Variants in ESRRB observed in about 807,000 individuals in gnomAD.
The protein encoded by ESRRB is steroid hormone receptor ERR2.
Under a neutral mutation model 46.0 loss-of-function variants are expected in ESRRB, and 16 were observed. The observed-to-expected ratio is 0.35, with a 90% CI of 0.24 to 0.53. The LOEUF (loss-of-function observed/expected upper bound fraction) is 0.53, where lower values mean the gene tolerates loss of function less well. ESRRB is among the 20% of genes least tolerant of loss of function. The probability of loss-of-function intolerance (pLI) is 0.93; values close to 1 mark genes in which losing one functional copy is unlikely to be tolerated. For missense variants in ESRRB, 488 were observed against 607.4 expected (o/e 0.80, Z 2.07); for synonymous variants, 246 against 259.6 (o/e 0.95, Z 0.50).
intron 1 of ESRRB, among the ~76,000 whole-genome samples, chr14:76,341,191 C>T (rs1257324381): frequency 3.9e-5 from 6 of 152,202 alleles, no homozygotes; most frequent in Non-Finnish European, 8.8e-5. Context: ...TCTCCTAGGT[C>T]CTGGCGTTTC....
chr14:76,414,482 C>T lies in ESRRB; in HGVS notation c.51-24859C>T, dbSNP rs528428942. On this transcript the variant is annotated intron_variant, in intron 1 of 6. Coordinates refer to ENST00000644823, the MANE Select transcript of ESRRB (RefSeq NM_001379180.1). ...TCATTTCGGAGGGCCCTGAGTTGTG[C>T]CCCTGTGGTTCCTCCCCAGCTCAGT... is the stretch of plus-strand genomic sequence containing the variant. 4.6e-5 allele frequency among the ~76,000 whole-genome samples: 7 copies of T among 151,224 alleles called. No homozygotes were observed. In the South Asian group the frequency reaches 1.3e-3, roughly 27 times the overall value.
rs948871827 is a variant in ESRRB, at chr14:76,498,354, C to T, written c.1261C>T (p.Arg421Trp). ...GKLLLTLPLLRQTAAKAVQHF... is the reference protein window; with the variant it reads ...GKLLLTLPLLWQTAAKAVQHF... Reference sequence around the variant, plus strand: ...GCTGCTGCTGACACTGCCGCTGCTGCGGCAGACGGCCGCCAAGGCCGTGCA... The same window carrying T: ...GCTGCTGCTGACACTGCCGCTGCTGTGGCAGACGGCCGCCAAGGCCGTGCA... Residue 421 changes from arginine to tryptophan, a missense_variant, in exon 7 of 7, where the codon CGG becomes TGG. Physicochemically the swap from Arg to Trp is moderately radical, Grantham distance 101. Transcript: ENST00000644823. 5 of 1,610,274 alleles carry T rather than the reference C, an allele frequency of 3.1e-6. No individual in the cohort carries two copies. The highest frequency in any genetic ancestry group is 2.2e-5 in the East Asian group (1 of 44,786).
rs1890239044 is a variant in ESRRB at position 76,491,712 on chromosome 14, C to T, written c.1116C>T (p.Asn372=). Residue 372 remains asparagine (N), a synonymous_variant, in exon 6 of 7, where the codon AAC becomes AAT. Coordinates refer to ENST00000644823, the MANE Select transcript of ESRRB (RefSeq NM_001379180.1). ...CGCTCAAGGCCCTGGCCCTCGCCAACTCCGGTAAGGGCGGCGGCGGGGCCT... is the reference window on the plus strand; with the variant it reads ...CGCTCAAGGCCCTGGCCCTCGCCAATTCCGGTAAGGGCGGCGGCGGGGCCT... ...FVTLKALALA[N]SDSMYIEDLE... 2 of 1,578,652 alleles carry T rather than the reference C, an allele frequency of 1.3e-6. No homozygotes were observed. Among genetic ancestry groups the T allele is most frequent in the African/African-American group, 1.3e-5 (1 of 74,678 alleles).
At chr14:76,358,854 T>C (rs1884430190) in intron 1 of ESRRB, among the ~76,000 whole-genome samples, 1 of 152,258 alleles carries the variant, frequency 6.6e-6, no homozygotes, top group Admixed American at 6.5e-5. Context: ...TCTGTAAAAC[T>C]TCTAAATTAG....
chr14:76,468,539 A>G (rs568034278), intron 3 of ESRRB, among the ~76,000 whole-genome samples: 1 of 152,182 alleles, frequency 6.6e-6, no homozygotes, highest in African/African-American at 2.4e-5. Flanking sequence ...AAGACGAAGG[A>G]GATGATCTTG....
chr14:76,423,602 C>T (rs1015780970), intron 1 of ESRRB, among the ~76,000 whole-genome samples: 1 of 152,138 alleles, frequency 6.6e-6, no homozygotes, highest in African/African-American at 2.4e-5. Flanking sequence ...TTGATCCTGT[C>T]CTGTGACTCA....
intron 1 of ESRRB, among the ~76,000 whole-genome samples, chr14:76,359,331 C>T (rs775248796): frequency 3.9e-5 from 6 of 152,176 alleles, no homozygotes; most frequent in Non-Finnish European, 8.8e-5. Flanking sequence ...TGAGGAAATG[C>T]ACAAATTAGA....
At chr14:76,369,064 G>A (rs773776639), upstream of ESRRB, among the ~76,000 whole-genome samples, 4 of 151,648 alleles carry the variant, frequency 2.6e-5, no homozygotes, top group Non-Finnish European at 5.9e-5. Flanking sequence ...GGGTGCGGTG[G>A]TGCGTCCCTG....
intron 3 of ESRRB, among the ~76,000 whole-genome samples, chr14:76,464,811 A>G (rs1889038684): frequency 6.6e-6 from 1 of 152,078 alleles, no homozygotes; most frequent in African/African-American, 2.4e-5. Context: ...GCTCCTTCAG[A>G]GCCTCCTGGT....
intron 2 of ESRRB, among the ~76,000 whole-genome samples, chr14:76,457,262 A>G (rs533286294): frequency 6.6e-6 from 1 of 152,198 alleles, no homozygotes; most frequent in South Asian, 2.1e-4. Context: ...AGGTCTAGGG[A>G]CCGGAGGCAG....
At chr14:76,418,696 C>T (rs1019134691) in intron 1 of ESRRB, among the ~76,000 whole-genome samples, 1 of 152,132 alleles carries the variant, frequency 6.6e-6, no homozygotes, top group Non-Finnish European at 1.5e-5. Flanking sequence ...CTCACTATAA[C>T]CTCCCACCTC....
At chr14:76,390,124 C>T (rs1351215041) in intron 1 of ESRRB, among the ~76,000 whole-genome samples, 1 of 152,222 alleles carries the variant, frequency 6.6e-6, no homozygotes. Flanking sequence ...AGATAAATGA[C>T]TCAATCTCTC....
chr14:76,498,129 T>G (rs894668593), intron 6 of ESRRB, 85 bp from the exon 7 acceptor site: 3 of 1,535,616 alleles, frequency 2.0e-6, no homozygotes, highest in Non-Finnish European at 2.7e-6. Flanking sequence ...CCTGCCTCCA[T>G]GCTGCCTCCT....
intron 1 of ESRRB, among the ~76,000 whole-genome samples, chr14:76,429,243 G>A (rs1181525055): frequency 6.6e-6 from 1 of 152,170 alleles, no homozygotes; most frequent in African/African-American, 2.4e-5. Context: ...TAGTTAGTAA[G>A]TTTGAGCAAG....
At chr14:76,425,127 A>G (rs1887141725) in intron 1 of ESRRB, among the ~76,000 whole-genome samples, 1 of 151,932 alleles carries the variant, frequency 6.6e-6, no homozygotes, top group African/African-American at 2.4e-5. Flanking sequence ...CCTGGTGAGG[A>G]GAGGGGAGGA....
intron 1 of ESRRB, among the ~76,000 whole-genome samples, chr14:76,337,141 A>G (rs964050093): frequency 3.9e-5 from 6 of 152,158 alleles, no homozygotes; most frequent in Non-Finnish European, 8.8e-5. Context: ...GAGGAGAAGC[A>G]TAGAAGGAGA....
At chr14:76,446,582 T>C (rs1334465909) in intron 2 of ESRRB, among the ~76,000 whole-genome samples, 1 of 152,090 alleles carries the variant, frequency 6.6e-6, no homozygotes, top group Admixed American at 6.6e-5. Flanking sequence ...CCTGGAGGCA[T>C]AGAAAAAACA....
chr14:76,409,461 C>T (rs776503324), intron 1 of ESRRB, among the ~76,000 whole-genome samples: 4 of 152,214 alleles, frequency 2.6e-5, no homozygotes, highest in South Asian at 4.1e-4. Flanking sequence ...GATGCCGTGG[C>T]GACGGTCTTC....
At chr14:76,401,652 A>G (rs1459294635) in intron 1 of ESRRB, among the ~76,000 whole-genome samples, 2 of 152,204 alleles carry the variant, frequency 1.3e-5, no homozygotes, top group South Asian at 2.1e-4. Context: ...TACAGTATTT[A>G]GTACAGTAAC....
Sources: gnomAD v4.1 joint callset for allele counts (sites outside exome capture counted in the v4.1 genomes callset) on GRCh38, gnomAD v4.1.1 for gene constraint, MANE v1.5 for transcripts, NCBI Gene and HGNC (gene_info 2026-07-23, HGNC 2026-07-21) for gene names.